Variants in SORCS1 observed in about 807,000 individuals in gnomAD.
SORCS1 encodes sortilin related VPS10 domain containing receptor 1.
In SORCS1, 60 loss-of-function variants were observed where a neutral mutation model predicts 146.1. That is an observed-to-expected ratio of 0.41 (90% CI 0.33 to 0.51). The LOEUF is 0.51. Among genes scored for constraint, SORCS1 ranks in the 20% least tolerant of loss-of-function variants. The pLI, the probability that SORCS1 is intolerant of heterozygous loss-of-function variation, is 0.21. For missense variants in SORCS1, 1,352 were observed against 1,487.6 expected, an observed-to-expected ratio of 0.91 and a Z score of 1.50; for synonymous variants, 637 against 584.0, an observed-to-expected ratio of 1.09 and a Z score of -1.31.
intron 2 of SORCS1, among the ~76,000 whole-genome samples, chr10:106,851,487 T>C (rs565054086): frequency 3.4e-4 from 52 of 152,226 alleles, no homozygotes; most frequent in Non-Finnish European, 6.8e-4. Context: ...TGGGCTTTGG[T>C]CTTTTGTGAA....
At chr10:106,638,748 T>C (rs1848876243) in intron 18 of SORCS1, among the ~76,000 whole-genome samples, 1 of 152,198 alleles carries the variant, frequency 6.6e-6, no homozygotes, top group South Asian at 2.1e-4. Flanking sequence ...GTGTAATTTA[T>C]TTTAAAGAGG....
chr10:107,153,693 T>C (rs1969031814), intron 1 of SORCS1, among the ~76,000 whole-genome samples: 1 of 152,242 alleles, frequency 6.6e-6, no homozygotes, highest in Admixed American at 6.5e-5. Context: ...ATGTGAGCTC[T>C]TGTACAGTTG....
At chr10:106,743,533 T>C (rs1589785391) in intron 5 of SORCS1, among the ~76,000 whole-genome samples, 2 of 152,298 alleles carry the variant, frequency 1.3e-5, no homozygotes, top group South Asian at 2.1e-4. Context: ...CAAGTGATTC[T>C]CCTGCCTCAG....
intron 6 of SORCS1, among the ~76,000 whole-genome samples, chr10:106,726,547 T>C (rs1856206533): frequency 6.6e-6 from 1 of 151,950 alleles, no homozygotes; most frequent in South Asian, 2.1e-4. Flanking sequence ...GGCCTCATTG[T>C]TTTTAGGATA....
intron 1 of SORCS1, among the ~76,000 whole-genome samples, chr10:107,064,731 G>T (rs1961573642): frequency 6.6e-6 from 1 of 152,144 alleles, no homozygotes; most frequent in South Asian, 2.1e-4. Context: ...GTGTAATTAT[G>T]CCATCTCTGT....
chr10:107,160,479 G>C (rs1221972599), intron 1 of SORCS1, among the ~76,000 whole-genome samples: 2 of 152,142 alleles, frequency 1.3e-5, no homozygotes, highest in East Asian at 3.8e-4. Flanking sequence ...GCCCAGATTG[G>C]GACTCAATTT....
intron 9 of SORCS1, among the ~76,000 whole-genome samples, chr10:106,698,819 C>A (rs1853906308): frequency 6.6e-6 from 1 of 152,106 alleles, no homozygotes; most frequent in African/African-American, 2.4e-5. Context: ...GAGACCTTAT[C>A]CCCTTCATTC....
chr10:106,616,102 ATC>A (rs1847343628), intron 21 of SORCS1, among the ~76,000 whole-genome samples: 1 of 152,300 alleles, frequency 6.6e-6, no homozygotes, highest in African/African-American at 2.4e-5. Context: ...TTTGTCACCA[ATC>A]AGCAGAATGA....
intron 6 of SORCS1, among the ~76,000 whole-genome samples, chr10:106,712,115 AT>A (rs1855037147): frequency 6.6e-6 from 1 of 152,208 alleles, no homozygotes; most frequent in African/African-American, 2.4e-5. Context: ...GACAATGAGT[AT>A]TGCTAAGGAA....
At chr10:107,091,109 A>G (rs1964151026) in intron 1 of SORCS1, among the ~76,000 whole-genome samples, 1 of 152,238 alleles carries the variant, frequency 6.6e-6, no homozygotes, top group Admixed American at 6.5e-5. Flanking sequence ...GGAAAATACC[A>G]ACAAAAGTAG....
intron 10 of SORCS1, among the ~76,000 whole-genome samples, chr10:106,686,470 G>A (rs1852849997): frequency 6.6e-6 from 1 of 152,180 alleles, no homozygotes; most frequent in Non-Finnish European, 1.5e-5. Flanking sequence ...ACCAGCTTAA[G>A]GAACTGGCAT....
At chr10:106,740,643 C>T (rs982507005) in intron 5 of SORCS1, among the ~76,000 whole-genome samples, 22 of 152,086 alleles carry the variant, frequency 1.4e-4, no homozygotes, top group Non-Finnish European at 3.1e-4. Flanking sequence ...ACCCATTGTT[C>T]CCCGGTGTCA....
intron 1 of SORCS1, among the ~76,000 whole-genome samples, chr10:107,092,875 A>T (rs1474282039): frequency 6.8e-6 from 1 of 147,360 alleles, no homozygotes; most frequent in Non-Finnish European, 1.5e-5. Flanking sequence ...GGGCTAAAAG[A>T]AGACCATGAA....
intron 1 of SORCS1, among the ~76,000 whole-genome samples, chr10:107,022,671 C>T (rs1411616540): frequency 3.3e-5 from 5 of 152,160 alleles, no homozygotes; most frequent in African/African-American, 9.7e-5. Context: ...AGGTTAAACA[C>T]TGGTGATTAG....
chr10:106,671,974 T>C (rs1328595696), intron 15 of SORCS1, among the ~76,000 whole-genome samples: 1 of 152,200 alleles, frequency 6.6e-6, no homozygotes. Flanking sequence ...AAATGAACGA[T>C]TCTATTGTTA....
intron 3 of SORCS1, among the ~76,000 whole-genome samples, chr10:106,824,985 G>A (rs558610108): frequency 6.6e-6 from 1 of 152,292 alleles, no homozygotes; most frequent in South Asian, 2.1e-4. Flanking sequence ...ATAGTGTGCT[G>A]AGACCACAAG....
chr10:106,630,136 C>A (rs941230904), intron 18 of SORCS1, among the ~76,000 whole-genome samples: 2 of 152,178 alleles, frequency 1.3e-5, no homozygotes, highest in Non-Finnish European at 2.9e-5. Flanking sequence ...GTCTTCAAGA[C>A]CACCCCTCAA....
At chr10:106,976,339 T>TTTTTG (rs1554901382) in intron 1 of SORCS1, among the ~76,000 whole-genome samples, 1 of 140,856 alleles carries the variant, frequency 7.1e-6, no homozygotes, top group Non-Finnish European at 1.5e-5. Flanking sequence ...TTTTGTTTTT[T>TTTTTG]TTTTTTTTTT....
chr10:107,027,815 G>C (rs1309816411), intron 1 of SORCS1, among the ~76,000 whole-genome samples: 1 of 152,172 alleles, frequency 6.6e-6, no homozygotes, highest in Non-Finnish European at 1.5e-5. Flanking sequence ...AATTATCTCT[G>C]TGGATTTCTG....
Sources: gnomAD v4.1 joint callset for allele counts (sites outside exome capture counted in the v4.1 genomes callset) on GRCh38, gnomAD v4.1.1 for gene constraint, MANE v1.5 for transcripts, NCBI Gene and HGNC (gene_info 2026-07-23, HGNC 2026-07-21) for gene names.